The following PEX5 variants were observed in gnomAD, a reference collection of about 807,000 sequenced individuals.
The protein encoded by PEX5 is peroxisomal biogenesis factor 5.
Under a neutral mutation model 82.9 loss-of-function variants are expected in PEX5, and 52 were observed. The ratio of observed to expected loss-of-function variants is 0.63; its 90% CI spans 0.50 to 0.79. The LOEUF (loss-of-function observed/expected upper bound fraction) is 0.79, where lower values mean the gene tolerates loss of function less well. Among genes scored for constraint, PEX5 ranks in the 30% least tolerant of loss-of-function variants. The probability of loss-of-function intolerance (pLI) is 0.00; values close to 1 mark genes in which losing one functional copy is unlikely to be tolerated. For synonymous variants in PEX5, 300 were observed against 318.8 expected (o/e 0.94, Z 0.63); for missense variants, 719 against 815.2 (o/e 0.88, Z 1.44).
At chr12:7,201,336 C>T (rs944594315) in intron 6 of PEX5, among the ~76,000 whole-genome samples, 7 of 8,786 alleles carry the variant, frequency 8.0e-4, no homozygotes, top group African/African-American at 1.0e-3. Context: ...CACACATACA[C>T]GTATATATAC....
At chr12:7,194,241 G>A (rs1284538626) in intron 5 of PEX5, among the ~76,000 whole-genome samples, 1 of 151,882 alleles carries the variant, frequency 6.6e-6, no homozygotes, top group Non-Finnish European at 1.5e-5. Flanking sequence ...TCAAAATCAA[G>A]TTTAAAAAGA....
chr12:7,201,195 ACACATACATGTG>A (rs1565700733), intron 6 of PEX5, among the ~76,000 whole-genome samples: 16 of 151,126 alleles, frequency 1.1e-4, no homozygotes, highest in African/African-American at 3.7e-4. Context: ...ACGCATACAT[ACACATACATGTG>A]CACATACATG....
intron 5 of PEX5, among the ~76,000 whole-genome samples, chr12:7,197,216 G>GTAA (rs377510782): frequency 0.016 from 243 of 15,578 alleles, 12 homozygotes; most frequent in Admixed American, 0.059. Flanking sequence ...CATATATAAT[G>GTAA]TAATTATATA....
intron 1 of PEX5, 182 bp from the exon 2 acceptor site, chr12:7,190,180 G>GGA (rs1419671260): frequency 7.3e-6 from 11 of 1,515,418 alleles, no homozygotes; most frequent in Non-Finnish European, 9.7e-6. Flanking sequence ...GGGGGCGGCA[G>GGA]GAGAGAGTAC....
Position 7,203,533 on chromosome 12 carries a change from G to T in PEX5, c.948G>T (p.Thr316=), listed in dbSNP as rs769218179. ...GGCTTTCTGACTATGATGACCTTAC[G>T]TCAGCTACCTATGATAAGGTGAGGT... ...HPWLSDYDDL[T]SATYDKGYQF... The change falls in exon 10 of 16, where the codon ACG becomes ACT. Residue 316 remains threonine (T), a synonymous_variant. Transcript: ENST00000675855. 3.7e-6 allele frequency: 6 copies of T among 1,613,696 alleles called. No homozygotes were observed. In the African/African-American group the frequency reaches 8.0e-5, roughly 22 times the overall value.
At position 7,202,673 on chromosome 12, in the gene PEX5, T is replaced by A; in HGVS notation, c.815T>A (p.Met272Lys). ...TRPVNTSALD[M>K]EFERAKSAIE... ...CCAGTAAACACATCTGCCCTTGATA[T>A]GGAGTTTGAACGAGCCAAGTCAGCT... The change falls in exon 9 of 16, where the codon ATG becomes AAG. Residue 272 changes from methionine (M) to lysine (K), a missense_variant. Coordinates refer to ENST00000675855, the MANE Select transcript of PEX5 (RefSeq NM_001351132.2). 2 of 1,614,016 alleles carry A rather than the reference T, an allele frequency of 1.2e-6. No individual in the cohort carries two copies. The highest frequency in any genetic ancestry group is 1.3e-5 in the African/African-American group (1 of 74,976).
intron 6 of PEX5, among the ~76,000 whole-genome samples, chr12:7,201,245 A>G (rs1230650865): frequency 6.6e-6 from 1 of 152,102 alleles, no homozygotes; most frequent in Non-Finnish European, 1.5e-5. Flanking sequence ...ATATGTAAAC[A>G]TGTAGATACA....
At position 7,210,797 on chromosome 12, in the gene PEX5, C is replaced by CT. The variant is rs1945479971; in HGVS notation, c.*575dup. On this transcript the variant is annotated 3_prime_UTR_variant, in exon 16 of 16. Coordinates refer to ENST00000675855, the MANE Select transcript of PEX5 (RefSeq NM_001351132.2). Reference sequence around the variant, plus strand: ...TTCTTGGACCTCTCCTGGCTGAGCTCTGATTCCCTGTGAGCACGATGCTGA... The same window carrying CT: ...TTCTTGGACCTCTCCTGGCTGAGCTCTTGATTCCCTGTGAGCACGATGCTGA... 4.9e-6 allele frequency: 1 copy of CT among 202,554 alleles called. No individual in the cohort carries two copies. Among genetic ancestry groups the CT allele is most frequent in the African/African-American group, 2.3e-5 (1 of 43,244 alleles). 12.5% of individuals were successfully genotyped at this position (202,554 alleles called of 1,614,324 possible). A position where few individuals can be genotyped will look rare whatever the true frequency, so the allele number is the denominator to read the frequency against.
At chr12:7,211,955 ATTTTT>A (rs869133253), downstream of PEX5, among the ~76,000 whole-genome samples, 7 of 17,226 alleles carry the variant, frequency 4.1e-4, no homozygotes, top group East Asian at 2.9e-3. Context: ...TGGAAAAAAA[ATTTTT>A]TTTTTTTTGT....
chr12:7,209,931 A>G, intron 15 of PEX5, 91 bp downstream of exon 15: 1 of 1,595,306 alleles, frequency 6.3e-7, no homozygotes, highest in African/African-American at 1.3e-5. Context: ...TTGACTAACC[A>G]GCCCTAGCTT....
In PEX5 at chr12:7,189,800, C is replaced by G; in HGVS notation, c.-17+50C>G. ...CCGGGGCCGCGTCCCTGGGCCCTCC[C>G]CACCCTTGCGGTGGCCTCGCGGGTC... is the stretch of plus-strand genomic sequence containing the variant. On this transcript the variant is annotated intron_variant, in intron 1 of 15. Transcript: ENST00000675855. 4.2e-6 allele frequency: 3 copies of G among 720,326 alleles called. No homozygotes were observed. In the South Asian group the frequency reaches 1.1e-4, roughly 27 times the overall value. 44.6% of individuals were successfully genotyped at this position (720,326 alleles called of 1,614,324 possible). A position where few individuals can be genotyped will look rare whatever the true frequency, so the allele number is the denominator to read the frequency against.
rs1488105957 is a variant in PEX5, at chr12:7,207,599, C to T, written c.967-60C>T. 5.1e-6 allele frequency: 8 copies of T among 1,574,250 alleles called. No individual in the cohort carries two copies. The African/African-American group carries it at 9.4e-5, about 19-fold the overall frequency. On this transcript the variant is annotated intron_variant, in intron 10 of 15. Transcript: ENST00000675855. ...CTCTGCCTGCTGGTTGTCATCCTCACATCCCTGCTGTTCTGACGGTGCCAC... is the reference window on the plus strand; with the variant it reads ...CTCTGCCTGCTGGTTGTCATCCTCATATCCCTGCTGTTCTGACGGTGCCAC...
At chr12:7,207,624 C>T (rs1944975232) in intron 10 of PEX5, 35 bp from the exon 11 acceptor site, 1 of 1,612,016 alleles carries the variant, frequency 6.2e-7, no homozygotes, top group South Asian at 1.1e-5. Flanking sequence ...GACGGTGCCA[C>T]CTCTCAGTCC....
rs989783550 is a variant in PEX5, at chr12:7,208,529, G to C, written c.1254G>C (p.Leu418=). The change falls in exon 13 of 16, where the codon CTG becomes CTC. Residue 418 remains leucine (L), a synonymous_variant. Transcript: ENST00000675855. ...ALAVSFTNES[L]QRQACETLRD... The stretch of plus-strand genomic sequence containing the variant: ...CTGTGAGCTTCACCAACGAGTCCCT[G>C]CAGCGACAGGCCTGTGAAACCCTAC... 1 of 1,614,016 alleles carries C rather than the reference G, an allele frequency of 6.2e-7. No individual in the cohort carries two copies. The highest frequency in any genetic ancestry group is 1.1e-5 in the South Asian group (1 of 91,090).
intron 10 of PEX5, among the ~76,000 whole-genome samples, chr12:7,205,954 A>C (rs188878618): frequency 1.1e-3 from 162 of 152,316 alleles, no homozygotes; most frequent in Admixed American, 2.1e-3. Context: ...TAGTATCTTA[A>C]GCTTTTTGGT....
Position 7,208,009 on chromosome 12 carries a change from G to T in PEX5, c.1111-1G>T. On this transcript the variant is annotated splice_acceptor_variant, in intron 11 of 15. Coordinates refer to ENST00000675855, the MANE Select transcript of PEX5 (RefSeq NM_001351132.2). LOFTEE classifies it high-confidence loss of function. ...GATGGAATCTGTCAACTTCCCTCTA[G>T]GCTTGGCAGTATCTGGGTACCACCC... 1 of 1,613,174 alleles carries T rather than the reference G, an allele frequency of 6.2e-7. No individual in the cohort carries two copies. The highest frequency in any genetic ancestry group is 1.7e-5 in the Admixed American group (1 of 60,020).
At chr12:7,190,687 T>A in intron 2 of PEX5, 163 bp downstream of exon 2, 1 of 1,461,528 alleles carries the variant, frequency 6.8e-7, no homozygotes, top group Non-Finnish European at 9.5e-7. Flanking sequence ...CATCTTGGTA[T>A]AACTGCTTTC....
chr12:7,196,446 A>G (rs1467940513), intron 5 of PEX5, among the ~76,000 whole-genome samples: 1 of 139,302 alleles, frequency 7.2e-6, no homozygotes, highest in Non-Finnish European at 1.5e-5. Flanking sequence ...ATATAATGTA[A>G]TAATTATGTG....
intron 1 of PEX5, 106 bp downstream of exon 1, chr12:7,189,856 C>A: frequency 7.8e-7 from 1 of 1,287,254 alleles, no homozygotes; most frequent in Non-Finnish European, 1.0e-6. Flanking sequence ...GCAGCAGGGC[C>A]GGGGAGATGG....
Sources: gnomAD v4.1 joint callset for allele counts (sites outside exome capture counted in the v4.1 genomes callset) on GRCh38, gnomAD v4.1.1 for gene constraint, MANE v1.5 for transcripts, NCBI Gene and HGNC (gene_info 2026-07-23, HGNC 2026-07-21) for gene names.